The following FANCD2 variants were observed in gnomAD, a reference collection of about 807,000 sequenced individuals.
FANCD2 encodes FA complementation group D2.
In FANCD2, 131 loss-of-function variants were observed where a neutral mutation model predicts 192.3. The ratio of observed to expected loss-of-function variants is 0.68; its 90% confidence interval spans 0.59 to 0.79. FANCD2 has a LOEUF of 0.79. Ranked by LOEUF, FANCD2 falls within the 30% of genes least tolerant of loss-of-function variation. The pLI, the probability that FANCD2 is intolerant of heterozygous loss-of-function variation, is 0.00. For synonymous variants in FANCD2, 524 were observed against 612.5 expected, an observed-to-expected ratio of 0.86 and a Z score of 2.13; for missense variants, 1,508 against 1,701.6, an observed-to-expected ratio of 0.89 and a Z score of 2.00.
intron 25 of FANCD2, among the ~76,000 whole-genome samples, chr3:10,066,460 G>A (rs948721727): frequency 5.3e-5 from 8 of 152,182 alleles, no homozygotes; most frequent in East Asian, 3.9e-4. Context: ...ATTATGATAC[G>A]GGCAGGATAG....
intron 6 of FANCD2, 82 bp downstream of exon 6, chr3:10,035,315 A>G (rs2086701432): frequency 3.3e-6 from 4 of 1,224,080 alleles, no homozygotes; most frequent in Non-Finnish European, 3.6e-6. Context: ...GGAACACAGG[A>G]TAGAGTAGGG....
intron 32 of FANCD2, among the ~76,000 whole-genome samples, chr3:10,081,873 G>A (rs530160447): frequency 1.4e-4 from 21 of 152,266 alleles, no homozygotes; most frequent in African/African-American, 4.1e-4. Flanking sequence ...GAGAGATAAC[G>A]GAAGGAAGTG....
At chr3:10,031,918 C>T (rs1052724287) in intron 2 of FANCD2, among the ~76,000 whole-genome samples, 1 of 152,176 alleles carries the variant, frequency 6.6e-6, no homozygotes, top group African/African-American at 2.4e-5. Context: ...GCGATCTGGG[C>T]TCACTGCAAC....
rs1693809235 is a variant in FANCD2 at position 10,081,101 on chromosome 3, A to G, written c.2978A>G (p.Asn993Ser). 4 of 1,614,146 alleles carry G rather than the reference A, an allele frequency of 2.5e-6. No individual in the cohort carries two copies. The highest frequency in any genetic ancestry group is 4.5e-5 in the East Asian group (2 of 44,882). ...PIARRVPFLK[N>S]KGSRNIGFSH... ...CTCATAACTCTGCATTTATTATAGA[A>G]CAAAGGAAGCCGGAATATTGGATTC... Residue 993 changes from asparagine to serine, a missense_variant and splice_region_variant, in exon 31 of 44, where the codon AAC becomes AGC. Physicochemically the swap from Asn to Ser is conservative, Grantham distance 46. This residue lies in a region of FANCD2 where 796 missense variants were observed against 879.4 expected (regional missense o/e 0.91). Transcript: ENST00000675286.
rs1263342232 is a variant in FANCD2, at chr3:10,065,960, C to T, written c.2366C>T (p.Thr789Ile). The T allele has an allele frequency of 1.9e-6, 3 of 1,608,400 alleles. No individual in the cohort carries two copies. Among genetic ancestry groups the T allele is most frequent in the East Asian group, 2.2e-5 (1 of 44,864 alleles). Residue 789 changes from threonine to isoleucine, a missense_variant, in exon 25 of 44, where the codon ACT becomes ATT. Physicochemically the swap from Thr to Ile is moderately conservative, Grantham distance 89. Coordinates refer to ENST00000675286, the MANE Select transcript of FANCD2 (RefSeq NM_001018115.3). ...RSFMCSLIFL[T>I]LNWFREIVNA... ...TTCATGTGTTCTCTCATATTTCTTA[C>T]TCTCAACTGGTTCCGAGAGGTGAGC...
intron 32 of FANCD2, among the ~76,000 whole-genome samples, chr3:10,082,926 C>T (rs1429510888): frequency 1.3e-5 from 2 of 152,110 alleles, no homozygotes; most frequent in Non-Finnish European, 2.9e-5. Context: ...TTATAGATGG[C>T]AAATAAACAT....
At chr3:10,051,545 G>A (rs995803700) in intron 17 of FANCD2, among the ~76,000 whole-genome samples, 5 of 152,066 alleles carry the variant, frequency 3.3e-5, no homozygotes, top group Non-Finnish European at 7.4e-5. Flanking sequence ...TATAAGGGTG[G>A]AAGCCAGAGA....
intron 18 of FANCD2, among the ~76,000 whole-genome samples, chr3:10,055,171 A>T (rs1559383975): frequency 4.6e-5 from 7 of 152,222 alleles, no homozygotes; most frequent in Admixed American, 4.6e-4. Context: ...TAAAATATAC[A>T]TAATATAAAA....
chr3:10,062,800 C>T lies in FANCD2; in HGVS notation c.1827+589C>T, dbSNP rs1406758164. On this transcript the variant is annotated intron_variant, in intron 20 of 43. Transcript: ENST00000675286. ...TCCCGGGTTCAAGCAATTCTCCTGC[C>T]TCAGCCTCCCAAGTAGCTGGGATCA... Among the ~76,000 whole-genome samples the T allele has an allele frequency of 6.6e-5, 10 of 152,124 alleles. No individual in the cohort carries two copies. The South Asian group carries it at 1.9e-3, about 28-fold the overall frequency.
Position 10,069,690 on chromosome 3 carries a change from C to T in FANCD2, c.2494+2373C>T, listed in dbSNP as rs536369138. On this transcript the variant is annotated intron_variant, in intron 26 of 43. Transcript: ENST00000675286. ...TGTTGGCCGGGCCGGTCTCCAGCTC[C>T]TAACCGCGAGTGATCCGCTAGCCTC... 2.3e-4 allele frequency among the ~76,000 whole-genome samples: 35 copies of T among 152,240 alleles called. No individual in the cohort carries two copies. In the South Asian group the frequency reaches 3.7e-3, roughly 16 times the overall value.
chr3:10,042,375 C>G (rs1368708837), intron 10 of FANCD2, among the ~76,000 whole-genome samples, 184 bp from the exon 11 acceptor site: 1 of 152,112 alleles, frequency 6.6e-6, no homozygotes, highest in African/African-American at 2.4e-5. Flanking sequence ...TTTGATGAAG[C>G]TGTGGTATTA....
At chr3:10,075,768 T>TTGCACAGG (rs1384388345) in intron 29 of FANCD2, among the ~76,000 whole-genome samples, 2 of 135,306 alleles carry the variant, frequency 1.5e-5, no homozygotes, top group Non-Finnish European at 3.1e-5. Context: ...TCTCGCTGCG[T>TTGCACAGG]TGCACAGGCT....
chr3:10,084,356 A>T (rs977092507), intron 32 of FANCD2, among the ~76,000 whole-genome samples: 1 of 151,056 alleles, frequency 6.6e-6, no homozygotes, highest in Non-Finnish European at 1.5e-5. Flanking sequence ...TAGTAACACA[A>T]TCACAGCTCA....
intron 34 of FANCD2, 95 bp downstream of exon 34, chr3:10,087,359 A>T: frequency 8.2e-7 from 1 of 1,212,760 alleles, no homozygotes; most frequent in South Asian, 1.4e-5. Flanking sequence ...ACATTTTTAC[A>T]TGTAAATCCC....
At chr3:10,091,786 C>T (rs1694624982) in intron 37 of FANCD2, among the ~76,000 whole-genome samples, 1 of 151,990 alleles carries the variant, frequency 6.6e-6, no homozygotes, top group African/African-American at 2.4e-5. Flanking sequence ...AAACTTGGAC[C>T]CAAGACATAG....
intron 19 of FANCD2, among the ~76,000 whole-genome samples, chr3:10,061,213 C>T (rs1301255053): frequency 3.3e-5 from 5 of 152,240 alleles, no homozygotes; most frequent in Non-Finnish European, 7.3e-5. Context: ...GCCGTTGTTT[C>T]CTTGCAGTCA....
Position 10,093,287 on chromosome 3 carries a change from A to G in FANCD2, c.3852A>G (p.Val1284=), listed in dbSNP as rs769200458. 1.2e-6 allele frequency: 2 copies of G among 1,613,252 alleles called. No homozygotes were observed. The highest frequency in any genetic ancestry group is 2.2e-5 in the South Asian group (2 of 91,076). The change falls in exon 39 of 44, where the codon GTA becomes GTG. Residue 1284 remains valine (V), a splice_region_variant and synonymous_variant. Coordinates refer to ENST00000675286, the MANE Select transcript of FANCD2 (RefSeq NM_001018115.3). ...TTTCTTGTCTTTCACCTCTCCAGGT[A>G]TTTGATAGTCATCCTGTTCTGCATG... is the stretch of plus-strand genomic sequence containing the variant. ...DFSILINLIK[V]FDSHPVLHVC...
At chr3:10,076,065 C>G in intron 29 of FANCD2, among the ~76,000 whole-genome samples, 1 of 149,712 alleles carries the variant, frequency 6.7e-6, no homozygotes, top group Non-Finnish European at 1.5e-5. Context: ...CTTTCTACAT[C>G]ATCTTGCCCT....
rs1167739403 is a variant in FANCD2 at position 10,095,256 on chromosome 3, C to G, written c.4020C>G (p.His1340Gln). The change falls in exon 41 of 44, where the codon CAC (histidine) becomes CAG (glutamine). Residue 1340 changes from histidine (H) to glutamine (Q), a missense_variant. Transcript: ENST00000675286. ...TFQLDTRLLH[H>Q]LCGHSKIHQD... ...AGTTGGACACAAGGCTGCTTCATCA[C>G]CTGTGTGGGCATTCCAAGGTAAGAA... 1.2e-6 allele frequency: 2 copies of G among 1,614,118 alleles called. No individual in the cohort carries two copies. Among genetic ancestry groups the G allele is most frequent in the East Asian group, 2.2e-5 (1 of 44,888 alleles).
Sources: allele counts gnomAD v4.1 joint callset (sites outside exome capture counted in the v4.1 genomes callset), GRCh38; gene constraint gnomAD v4.1.1; regional missense constraint gnomAD v4.1.1; transcripts MANE v1.5; gene names NCBI Gene and HGNC (gene_info 2026-07-23, HGNC 2026-07-21).